Variants in QSOX2 observed in about 807,000 individuals in gnomAD.
QSOX2 encodes quiescin sulfhydryl oxidase 2.
A neutral mutation model predicts 61.7 loss-of-function variants in QSOX2; 46 were observed. The ratio of observed to expected loss-of-function variants is 0.75; its 90% CI spans 0.59 to 0.95. The LOEUF (loss-of-function observed/expected upper bound fraction) is 0.95, where lower values mean the gene tolerates loss of function less well. QSOX2 is among the 40% of genes least tolerant of loss of function. The pLI, the probability that QSOX2 is intolerant of heterozygous loss-of-function variation, is 0.00. For synonymous variants in QSOX2, 383 were observed against 388.4 expected (o/e 0.99, Z 0.16); for missense variants, 879 against 918.9 (o/e 0.96, Z 0.56).
At position 136,207,061 on chromosome 9, in the gene QSOX2, C is replaced by T. The variant is rs1382005988; in HGVS notation, c.*1667G>A. 2 of 152,292 alleles carry T rather than the reference C, an allele frequency of 1.3e-5. No homozygotes were observed. The highest frequency in any genetic ancestry group is 2.9e-5 in the Non-Finnish European group (2 of 68,044). 9.4% of individuals were successfully genotyped at this position (152,292 alleles called of 1,614,324 possible). A position where few individuals can be genotyped will look rare whatever the true frequency, so the allele number is the denominator to read the frequency against. Reference sequence around the variant, plus strand: ...CACAGAGGGGTTAAAAAGTGTGAAACCAGAAGCAACTCTCGAGTGAGACAC... The same window carrying T: ...CACAGAGGGGTTAAAAAGTGTGAAATCAGAAGCAACTCTCGAGTGAGACAC... On this transcript the variant is annotated 3_prime_UTR_variant, in exon 12 of 12. Transcript: ENST00000358701.
rs138664855 is a variant in QSOX2 at position 136,219,883 on chromosome 9, G to A, written c.822-719C>T. Among the ~76,000 whole-genome samples, 66 of 152,334 alleles carry A rather than the reference G, an allele frequency of 4.3e-4. 1 individual carries two copies. In the East Asian group the frequency reaches 9.8e-3, roughly 23 times the overall value. On this transcript the variant is annotated intron_variant, in intron 6 of 11. Transcript: ENST00000358701. Reference sequence around the variant, plus strand: ...AAACAAACATCTGGGAGTGGTTCAGGCCGCTCTGCCAAGTGCAGTGCTGTG... The same window carrying A: ...AAACAAACATCTGGGAGTGGTTCAGACCGCTCTGCCAAGTGCAGTGCTGTG...
chr9:136,212,460 G>A (rs1831858254), intron 10 of QSOX2, among the ~76,000 whole-genome samples: 1 of 152,276 alleles, frequency 6.6e-6, no homozygotes, highest in Non-Finnish European at 1.5e-5. Flanking sequence ...GCTGCGTGCA[G>A]GCCCTGACCT....
intron 1 of QSOX2, among the ~76,000 whole-genome samples, chr9:136,241,225 C>A (rs1830431088): frequency 1.3e-5 from 2 of 152,186 alleles, no homozygotes; most frequent in Non-Finnish European, 2.9e-5. Flanking sequence ...AGACAGGAGG[C>A]CTCCACTGCC....
intron 6 of QSOX2, 74 bp from the exon 7 acceptor site, chr9:136,219,238 G>C: frequency 6.5e-7 from 1 of 1,536,936 alleles, no homozygotes; most frequent in Non-Finnish European, 8.8e-7. Context: ...GTGGCATTCA[G>C]GACAGCTCTG....
intron 10 of QSOX2, among the ~76,000 whole-genome samples, chr9:136,211,771 C>T (rs554829983): frequency 2.6e-5 from 4 of 152,276 alleles, no homozygotes; most frequent in African/African-American, 7.2e-5. Context: ...CTTCCAGGGG[C>T]GCCTCCCACC....
In QSOX2 at chr9:136,245,623, C is replaced by A; in HGVS notation, c.181G>T (p.Asp61Tyr). The change falls in exon 1 of 12, where the codon GAC (aspartate) becomes TAC (tyrosine). Residue 61 changes from aspartate to tyrosine, a missense_variant. Asp to Tyr is a radical substitution (Grantham distance 160). Transcript: ENST00000358701. Reference sequence around the variant, plus strand: ...CCGCTGTCCAGCACCCACACGGCGTCCTCGCCCGCGCGGTACAGCCGCGCC... The same window carrying A: ...CCGCTGTCCAGCACCCACACGGCGTACTCGCCCGCGCGGTACAGCCGCGCC... ...GAARLYRAGEDAVWVLDSGSV... is the reference protein window; with the variant it reads ...GAARLYRAGEYAVWVLDSGSV... 6.6e-7 allele frequency: 1 copy of A among 1,521,166 alleles called. No individual in the cohort carries two copies. The highest frequency in any genetic ancestry group is 8.7e-7 in the Non-Finnish European group (1 of 1,144,796). 94.2% of individuals were successfully genotyped at this position (1,521,166 alleles called of 1,614,324 possible). A position where few individuals can be genotyped will look rare whatever the true frequency, so the allele number is the denominator to read the frequency against.
chr9:136,229,802 C>T (rs1830314155), intron 1 of QSOX2, among the ~76,000 whole-genome samples: 1 of 152,218 alleles, frequency 6.6e-6, no homozygotes, highest in African/African-American at 2.4e-5. Flanking sequence ...CACTTGCTGG[C>T]CACATCACAC....
chr9:136,239,620 T>A (rs1830418575), intron 1 of QSOX2, among the ~76,000 whole-genome samples: 1 of 152,230 alleles, frequency 6.6e-6, no homozygotes, highest in South Asian at 2.1e-4. Flanking sequence ...GCGAGGGAAG[T>A]CCAGCTCCAT....
intron 1 of QSOX2, among the ~76,000 whole-genome samples, chr9:136,229,416 G>A (rs1413250613): frequency 6.6e-6 from 1 of 152,238 alleles, no homozygotes; most frequent in Non-Finnish European, 1.5e-5. Flanking sequence ...CTGGCGAAGT[G>A]TCTCATTTCT....
chr9:136,215,388 T>C (rs1036857581), intron 9 of QSOX2, 84 bp from the exon 10 acceptor site: 20 of 684,792 alleles, frequency 2.9e-5, no homozygotes, highest in Admixed American at 1.0e-4. Flanking sequence ...CCTTCTTGAC[T>C]GGGGGGGGTG....
rs561979109 is a variant in QSOX2, at chr9:136,221,193, G to T, written c.821+603C>A. Among the ~76,000 whole-genome samples the T allele has an allele frequency of 6.8e-6, 1 of 147,390 alleles. No homozygotes were observed. Among genetic ancestry groups the T allele is most frequent in the Non-Finnish European group, 1.5e-5 (1 of 67,656 alleles). ...CATGAGGGGCACACGGGCACCCCAC[G>T]CAGGGGCAAAGGGCTTATCCTCATG... On this transcript the variant is annotated intron_variant, in intron 6 of 11. Coordinates refer to ENST00000358701, the MANE Select transcript of QSOX2 (RefSeq NM_181701.4). The surrounding 1 kb of genome is among the most constrained non-coding windows in gnomAD (Gnocchi z 4.5).
intron 1 of QSOX2, among the ~76,000 whole-genome samples, chr9:136,231,452 C>A (rs1478561766): frequency 6.6e-6 from 1 of 152,246 alleles, no homozygotes; most frequent in African/African-American, 2.4e-5. Context: ...ATGTAGAAAA[C>A]CAAGGCTTTG....
At chr9:136,231,926 TCCG>T (rs1830335075) in intron 1 of QSOX2, among the ~76,000 whole-genome samples, 1 of 63,380 alleles carries the variant, frequency 1.6e-5, no homozygotes, top group Non-Finnish European at 3.1e-5. Context: ...CTCCACCCTC[TCCG>T]CCTCCTCCGC....
At chr9:136,217,059 G>A (rs1831922618) in intron 8 of QSOX2, among the ~76,000 whole-genome samples, 1 of 152,244 alleles carries the variant, frequency 6.6e-6, no homozygotes, top group South Asian at 2.1e-4. Flanking sequence ...AGCTGGCGGG[G>A]GCTTGCTGAT....
At chr9:136,238,518 G>A (rs4842134) in intron 1 of QSOX2, among the ~76,000 whole-genome samples, 40,053 of 152,074 alleles carry the variant, frequency 0.26, 5,406 homozygotes, top group Admixed American at 0.35. Context: ...AACGCTCCCC[G>A]GGCCTCATTC....
Position 136,208,809 on chromosome 9 carries a change from G to C in QSOX2, c.2016C>G (p.Ser672=). 1 of 1,614,006 alleles carries C rather than the reference G, an allele frequency of 6.2e-7. No individual in the cohort carries two copies. Among genetic ancestry groups the C allele is most frequent in the Non-Finnish European group, 8.5e-7 (1 of 1,180,018 alleles). The change falls in exon 12 of 12, where the codon TCC becomes TCG. Residue 672 remains serine (S), a synonymous_variant. Coordinates refer to ENST00000358701, the MANE Select transcript of QSOX2 (RefSeq NM_181701.4). The part of the protein sequence containing the change: ...SLCVVLYVAS[S]LFLMVMYFFF... ...AGAAGTACATCACCATGAGGAACAGGGATGAAGCCACGTACAGCACGACAC... is the reference window on the plus strand; with the variant it reads ...AGAAGTACATCACCATGAGGAACAGCGATGAAGCCACGTACAGCACGACAC...
intron 1 of QSOX2, among the ~76,000 whole-genome samples, chr9:136,227,150 C>T (rs934067887): frequency 7.9e-5 from 12 of 152,230 alleles, no homozygotes; most frequent in African/African-American, 2.4e-4. Flanking sequence ...AGGCTGTGGG[C>T]CCCTAATTAA....
chr9:136,210,669 A>T, intron 11 of QSOX2: 1 of 985,466 alleles, frequency 1.0e-6, no homozygotes, highest in Non-Finnish European at 1.2e-6. Flanking sequence ...ATGTTTTTCT[A>T]ACACAGTGGA....
At chr9:136,245,217 C>T (rs1830461568) in intron 1 of QSOX2, among the ~76,000 whole-genome samples, 1 of 152,172 alleles carries the variant, frequency 6.6e-6, no homozygotes, top group African/African-American at 2.4e-5. Flanking sequence ...TTCATTTTGA[C>T]TTCAGACAGC....
Sources: allele counts gnomAD v4.1 joint callset (sites outside exome capture counted in the v4.1 genomes callset), GRCh38; gene constraint gnomAD v4.1.1; non-coding constraint Gnocchi (gnomAD v3.1); transcripts MANE v1.5; gene names NCBI Gene and HGNC (gene_info 2026-07-23, HGNC 2026-07-21).